The following SNTG1 variants were observed in gnomAD, a reference collection of about 807,000 sequenced individuals.
SNTG1 encodes gamma-1-syntrophin.
SNTG1 carries 39 observed loss-of-function variants against 74.7 expected under a neutral mutation model. The observed-to-expected ratio is 0.52, with a 90% CI of 0.40 to 0.68. SNTG1 has a LOEUF of 0.68. Ranked by LOEUF, SNTG1 falls within the 30% of genes least tolerant of loss-of-function variation. SNTG1 has a pLI of 0.00. For synonymous variants in SNTG1, 254 were observed against 217.1 expected (o/e 1.17, Z -1.49); for missense variants, 685 against 609.5 (o/e 1.12, Z -1.30).
chr8:50,666,942 T>C (rs1216934340), intron 15 of SNTG1, among the ~76,000 whole-genome samples: 3 of 152,024 alleles, frequency 2.0e-5, no homozygotes, highest in Non-Finnish European at 4.4e-5. Flanking sequence ...TTAAATGTGA[T>C]TGAAAAGCTA....
At chr8:50,729,311 CA>C (rs1158697684) in intron 17 of SNTG1, among the ~76,000 whole-genome samples, 2 of 152,136 alleles carry the variant, frequency 1.3e-5, no homozygotes, top group South Asian at 4.1e-4. Context: ...GCCCTGGATA[CA>C]TGGGATACAT....
chr8:50,278,121 C>G (rs1490093102), intron 2 of SNTG1, among the ~76,000 whole-genome samples: 1 of 151,940 alleles, frequency 6.6e-6, no homozygotes, highest in Non-Finnish European at 1.5e-5. Context: ...TGCAATGAGC[C>G]AAGATCGCAC....
chr8:50,631,378 C>A (rs115213025), intron 13 of SNTG1, among the ~76,000 whole-genome samples: 3 of 152,154 alleles, frequency 2.0e-5, no homozygotes, highest in Non-Finnish European at 4.4e-5. Flanking sequence ...CAATTGTTAT[C>A]CTGATTATAT....
At chr8:50,734,127 G>A (rs2095519682) in intron 17 of SNTG1, among the ~76,000 whole-genome samples, 1 of 151,578 alleles carries the variant, frequency 6.6e-6, no homozygotes, top group South Asian at 2.1e-4. Flanking sequence ...TATTGTGAAA[G>A]GGATACTATA....
chr8:49,929,945 C>T (rs1196414754), intron 1 of SNTG1, among the ~76,000 whole-genome samples: 1 of 146,626 alleles, frequency 6.8e-6, no homozygotes, highest in South Asian at 2.1e-4. Flanking sequence ...CAATTCCCAC[C>T]TATGAGTGAG....
At chr8:50,085,010 T>C (rs1822751488) in intron 1 of SNTG1, among the ~76,000 whole-genome samples, 1 of 152,190 alleles carries the variant, frequency 6.6e-6, no homozygotes, top group African/African-American at 2.4e-5. Context: ...ACAACATGTT[T>C]GTAACTACAA....
Position 50,379,126 on chromosome 8 carries a change from G to A in SNTG1, c.-27-15086G>A, listed in dbSNP as rs540666270. On this transcript the variant is annotated intron_variant, in intron 2 of 18. Coordinates refer to ENST00000642720, the MANE Select transcript of SNTG1 (RefSeq NM_018967.5). The stretch of plus-strand genomic sequence containing the variant: ...AACCCCACCTCAGCTTCCCTTCTGT[G>A]CTAGTTGGTGCCCCAAGTCTGGAGG... Among the ~76,000 whole-genome samples the A allele has an allele frequency of 1.2e-4, 18 of 152,300 alleles. 1 individual carries two copies. Among genetic ancestry groups the A allele is most frequent in the African/African-American group, 4.1e-4 (17 of 41,570 alleles).
intron 2 of SNTG1, among the ~76,000 whole-genome samples, chr8:50,222,906 C>T (rs1358897628): frequency 6.6e-6 from 1 of 152,120 alleles, no homozygotes; most frequent in Admixed American, 6.6e-5. Flanking sequence ...TTCAAATGCA[C>T]TCTTCAACCC....
At chr8:50,358,501 T>C (rs1235128318) in intron 2 of SNTG1, among the ~76,000 whole-genome samples, 2 of 152,144 alleles carry the variant, frequency 1.3e-5, no homozygotes, top group African/African-American at 4.8e-5. Flanking sequence ...TGGACACAAT[T>C]AGTCCAGGAC....
intron 1 of SNTG1, among the ~76,000 whole-genome samples, chr8:50,097,101 C>G (rs1027737507): frequency 2.8e-4 from 42 of 152,140 alleles, no homozygotes; most frequent in African/African-American, 9.6e-4. Flanking sequence ...TCCCAAGTAG[C>G]TGGGACTACA....
intron 2 of SNTG1, among the ~76,000 whole-genome samples, chr8:50,296,761 C>T (rs1452610915): frequency 6.6e-6 from 1 of 151,768 alleles, no homozygotes; most frequent in Non-Finnish European, 1.5e-5. Flanking sequence ...CACATGTATC[C>T]CAGAATTTAA....
chr8:50,267,992 C>T (rs958314152), intron 2 of SNTG1, among the ~76,000 whole-genome samples: 4 of 152,074 alleles, frequency 2.6e-5, no homozygotes, highest in Non-Finnish European at 2.9e-5. Flanking sequence ...TTACCAATGA[C>T]GTTTTTGACT....
chr8:50,179,802 G>A (rs576908303), intron 2 of SNTG1, among the ~76,000 whole-genome samples: 2 of 152,252 alleles, frequency 1.3e-5, no homozygotes, highest in South Asian at 2.1e-4. Flanking sequence ...AGGGTGTGGA[G>A]GGAAGGAAAC....
At chr8:50,666,644 T>C (rs1037972579) in intron 15 of SNTG1, among the ~76,000 whole-genome samples, 3 of 152,032 alleles carry the variant, frequency 2.0e-5, no homozygotes, top group Non-Finnish European at 2.9e-5. Flanking sequence ...CAAGAAAAAG[T>C]GAACCTGCCT....
intron 2 of SNTG1, among the ~76,000 whole-genome samples, chr8:50,226,373 G>A (rs1053861459): frequency 2.0e-5 from 3 of 152,110 alleles, no homozygotes; most frequent in Non-Finnish European, 4.4e-5. Flanking sequence ...CTTTGTGGGG[G>A]AAACTCTGTA....
At chr8:50,452,155 C>T (rs1303852096) in intron 8 of SNTG1, among the ~76,000 whole-genome samples, 2 of 152,112 alleles carry the variant, frequency 1.3e-5, no homozygotes, top group Non-Finnish European at 2.9e-5. Flanking sequence ...CATAACTAAT[C>T]AAGGTTTTTT....
chr8:50,500,230 CTT>C (rs199708802), intron 8 of SNTG1, among the ~76,000 whole-genome samples: 4 of 139,758 alleles, frequency 2.9e-5, no homozygotes, highest in Admixed American at 7.2e-5. Context: ...GTTACTTTTT[CTT>C]TTTTTTTTTT....
intron 1 of SNTG1, among the ~76,000 whole-genome samples, chr8:49,916,834 C>T (rs1363997728): frequency 6.6e-6 from 1 of 151,102 alleles, no homozygotes; most frequent in Non-Finnish European, 1.5e-5. Context: ...AGTGAGACCT[C>T]GTTTCTTCAA....
chr8:50,302,260 G>A (rs1438242217), intron 2 of SNTG1, among the ~76,000 whole-genome samples: 2 of 152,128 alleles, frequency 1.3e-5, no homozygotes, highest in East Asian at 1.9e-4. Context: ...CCCACTAAGG[G>A]TTCAGTTAGC....
Sources: gnomAD v4.1 joint callset for allele counts (sites outside exome capture counted in the v4.1 genomes callset) on GRCh38, gnomAD v4.1.1 for gene constraint, MANE v1.5 for transcripts, NCBI Gene and HGNC (gene_info 2026-07-23, HGNC 2026-07-21) for gene names.